Variants in BPIFA1 observed in about 807,000 individuals in gnomAD.
The protein encoded by BPIFA1 is BPI fold-containing family A member 1.
A neutral mutation model predicts 25.1 loss-of-function variants in BPIFA1; 24 were observed. That is an observed-to-expected ratio of 0.96 (90% CI 0.69 to 1.35). The LOEUF (loss-of-function observed/expected upper bound fraction) is 1.35. Among genes scored for constraint, BPIFA1 ranks in the 40% most tolerant of loss-of-function variants. The pLI is 0.00. For missense variants in BPIFA1, 344 were observed against 303.7 expected (o/e 1.13, Z -0.99); for synonymous variants, 139 against 131.8 (o/e 1.05, Z -0.37).
In BPIFA1 at chr20:33,242,058, G is replaced by A. The variant is rs1220104473; in HGVS notation, c.669G>A (p.Val223=). 1.4e-5 allele frequency: 22 copies of A among 1,613,978 alleles called. No individual in the cohort carries two copies. The highest frequency in any genetic ancestry group is 2.2e-5 in the East Asian group (1 of 44,896). The change falls in exon 7 of 9, where the codon GTG becomes GTA. Residue 223 remains valine (V), a splice_region_variant and synonymous_variant. Coordinates refer to ENST00000354297, the MANE Select transcript of BPIFA1 (RefSeq NM_130852.3). The part of the protein sequence containing the change: ...KVLPELVQGN[V]CPLVNEVLRG... ...CTCTCCTCTCTGCCCCTGGCCAGGTGTGCCCTCTGGTCAATGAGGTTCTCA... is the reference window on the plus strand; with the variant it reads ...CTCTCCTCTCTGCCCCTGGCCAGGTATGCCCTCTGGTCAATGAGGTTCTCA...
rs762616289 is a variant in BPIFA1 at position 33,238,059 on chromosome 20, C to A, written c.165C>A (p.Leu55=). ...TGLAGSLTNA[L]SNGLLSGGLL... ...GACCCTTACACCCATTTCCAGCCCT[C>A]AGCAATGGCCTGCTGTCTGGGGGCC... is the stretch of plus-strand genomic sequence containing the variant. The change falls in exon 3 of 9, where the codon CTC becomes CTA. Residue 55 remains leucine, a synonymous_variant. Transcript: ENST00000354297. 1.2e-6 allele frequency: 2 copies of A among 1,612,814 alleles called. No homozygotes were observed. Among genetic ancestry groups the A allele is most frequent in the Non-Finnish European group, 1.7e-6 (2 of 1,179,564 alleles).
intron 8 of BPIFA1, among the ~76,000 whole-genome samples, chr20:33,242,887 C>T (rs943943718): frequency 6.6e-6 from 1 of 152,016 alleles, no homozygotes; most frequent in African/African-American, 2.4e-5. Context: ...CACACTCTCA[C>T]CCAGCACCCT....
In BPIFA1 at chr20:33,238,111, C is replaced by A; in HGVS notation, c.217C>A (p.Leu73Ile). 6.2e-7 allele frequency: 1 copy of A among 1,614,048 alleles called. No homozygotes were observed. Among genetic ancestry groups the A allele is most frequent in the Non-Finnish European group, 8.5e-7 (1 of 1,180,004 alleles). The change falls in exon 3 of 9, where the codon CTC becomes ATC. Residue 73 changes from leucine (L) to isoleucine (I), a missense_variant. Coordinates refer to ENST00000354297, the MANE Select transcript of BPIFA1 (RefSeq NM_130852.3). The part of the protein sequence containing the change: ...GLLGILENLP[L>I]LDILKPGGGT... Reference sequence around the variant, plus strand: ...GTTGGGCATTCTGGAAAACCTTCCGCTCCTGGACATCCTGAAGCCTGGAGG... The same window carrying A: ...GTTGGGCATTCTGGAAAACCTTCCGATCCTGGACATCCTGAAGCCTGGAGG...
intron 8 of BPIFA1, among the ~76,000 whole-genome samples, chr20:33,242,850 T>C (rs1399359704): frequency 2.0e-5 from 3 of 151,812 alleles, no homozygotes; most frequent in Admixed American, 6.6e-5. Flanking sequence ...CATGCACACA[T>C]TGGTGGACTC....
At position 33,239,915 on chromosome 20, in the gene BPIFA1, G is replaced by T; in HGVS notation, c.428+5G>T. The T allele has an allele frequency of 1.2e-6, 2 of 1,611,866 alleles. No individual in the cohort carries two copies. The highest frequency in any genetic ancestry group is 1.7e-6 in the Non-Finnish European group (2 of 1,177,868). On this transcript the variant is annotated splice_donor_5th_base_variant and intron_variant, in intron 4 of 8. Coordinates refer to ENST00000354297, the MANE Select transcript of BPIFA1 (RefSeq NM_130852.3). ...CATAAAGCTCCAAGTGAATACGTGAGTGGGTCCCAAGAGGGGGTGAGAGGA... is the reference window on the plus strand; with the variant it reads ...CATAAAGCTCCAAGTGAATACGTGATTGGGTCCCAAGAGGGGGTGAGAGGA...
intron 6 of BPIFA1, among the ~76,000 whole-genome samples, chr20:33,241,734 T>A (rs1978987026): frequency 6.6e-6 from 1 of 152,144 alleles, no homozygotes; most frequent in Admixed American, 6.5e-5. Context: ...TTGGAGAAGT[T>A]CCCTGTCCAG....
In BPIFA1 at chr20:33,241,436, G is replaced by A. The variant is rs1416700703; in HGVS notation, c.633G>A (p.Leu211=). 3 of 1,614,034 alleles carry A rather than the reference G, an allele frequency of 1.9e-6. No individual in the cohort carries two copies. Among genetic ancestry groups the A allele is most frequent in the Non-Finnish European group, 2.5e-6 (3 of 1,180,002 alleles). ...TTCTGGACAGCCTCACAGGGATCTTGAATAAAGTCCTGCCTGAGTTGGTTC... is the reference window on the plus strand; with the variant it reads ...TTCTGGACAGCCTCACAGGGATCTTAAATAAAGTCCTGCCTGAGTTGGTTC... ...QGLLDSLTGI[L]NKVLPELVQG... is the part of the protein sequence containing the mutation. Residue 211 remains leucine (L), a synonymous_variant, in exon 6 of 9, where the codon TTG becomes TTA. Transcript: ENST00000354297.
In BPIFA1 at chr20:33,237,837, G is replaced by A. The variant is rs748394815; in HGVS notation, c.126G>A (p.Leu42=). 6.3e-6 allele frequency: 10 copies of A among 1,593,922 alleles called. No homozygotes were observed. The highest frequency in any genetic ancestry group is 8.5e-6 in the Non-Finnish European group (10 of 1,171,158). The stretch of plus-strand genomic sequence containing the variant: ...TGAATGTGAATCCAGCCCTGCCCTT[G>A]AGTCCCACAGGTCTTGCAGGAAGCT... The part of the protein sequence containing the change: ...LPLNVNPALP[L]SPTGLAGSLT... The change falls in exon 2 of 9, where the codon TTG becomes TTA. Residue 42 remains leucine, a synonymous_variant. Transcript: ENST00000354297.
At chr20:33,240,999 C>T (rs1340236594) in intron 5 of BPIFA1, among the ~76,000 whole-genome samples, 2 of 152,170 alleles carry the variant, frequency 1.3e-5, no homozygotes, top group Non-Finnish European at 2.9e-5. Context: ...GAGACTGTGT[C>T]AAACCTATTA....
At chr20:33,240,530 A>AGATGGATGGATGGATG (rs10677320) in intron 5 of BPIFA1, 145 bp downstream of exon 5, 116 of 749,616 alleles carry the variant, frequency 1.5e-4, no homozygotes, top group East Asian at 5.3e-4. Context: ...GAGCGTGGAA[A>AGATGGATGGATGGATG]GATGGATGGA....
At chr20:33,238,801 G>A (rs1302838313) in intron 3 of BPIFA1, among the ~76,000 whole-genome samples, 1 of 152,208 alleles carries the variant, frequency 6.6e-6, no homozygotes, top group Non-Finnish European at 1.5e-5. Flanking sequence ...AGCAAGAATG[G>A]AAGCTTGATG....
chr20:33,238,324 G>T (rs6141898), intron 3 of BPIFA1, 110 bp downstream of exon 3: 340,063 of 1,317,948 alleles, frequency 0.26, 45,737 homozygotes, highest in African/African-American at 0.37. Flanking sequence ...GCGAGGGAGC[G>T]GCCTGAAGAT....
chr20:33,240,596 T>G (rs1978918168), intron 5 of BPIFA1, among the ~76,000 whole-genome samples: 1 of 149,650 alleles, frequency 6.7e-6, no homozygotes, highest in African/African-American at 2.5e-5. Flanking sequence ...GGTTAGATGG[T>G]TGGGTTGATG....
chr20:33,239,723 T>A, intron 3 of BPIFA1, 80 bp from the exon 4 acceptor site: 1 of 1,351,338 alleles, frequency 7.4e-7, no homozygotes, highest in Non-Finnish European at 1.1e-6. Context: ...CTGGGATGGG[T>A]ACTGTTAGGT....
At chr20:33,237,388 A>G (rs1978727264) in intron 1 of BPIFA1, among the ~76,000 whole-genome samples, 1 of 152,078 alleles carries the variant, frequency 6.6e-6, no homozygotes, top group Admixed American at 6.5e-5. Flanking sequence ...GGCAAGAAGG[A>G]AAAAAACCCT....
At chr20:33,239,678 T>G in intron 3 of BPIFA1, 125 bp from the exon 4 acceptor site, 1 of 915,096 alleles carries the variant, frequency 1.1e-6, no homozygotes, top group Non-Finnish European at 1.8e-6. Context: ...AAGACTCCCC[T>G]CCCATCTCCC....
chr20:33,240,640 A>G (rs1978923089), intron 5 of BPIFA1, among the ~76,000 whole-genome samples: 1 of 131,630 alleles, frequency 7.6e-6, no homozygotes, highest in South Asian at 2.7e-4. Flanking sequence ...GGATGGATAG[A>G]TAGATGATAG....
At position 33,237,882 on chromosome 20, in the gene BPIFA1, A is replaced by G; in HGVS notation, c.160+11A>G. The G allele has an allele frequency of 6.4e-7, 1 of 1,553,582 alleles. No homozygotes were observed. Among genetic ancestry groups the G allele is most frequent in the Non-Finnish European group, 8.7e-7 (1 of 1,150,694 alleles). ...GAAGCTTGACAAATGGTGAGTTTTC[A>G]GGGGTGTATGTGTGCATGTGTGTGT... On this transcript the variant is annotated intron_variant, in intron 2 of 8. Transcript: ENST00000354297.
chr20:33,242,181 G>A (rs1979010317), intron 7 of BPIFA1, 62 bp downstream of exon 7: 10 of 1,548,034 alleles, frequency 6.5e-6, no homozygotes, highest in Non-Finnish European at 8.9e-6. Flanking sequence ...CCCCCAAGGA[G>A]TTTTTTCCCT....
Sources: allele counts gnomAD v4.1 joint callset (sites outside exome capture counted in the v4.1 genomes callset), GRCh38; gene constraint gnomAD v4.1.1; transcripts MANE v1.5; gene names NCBI Gene and HGNC (gene_info 2026-07-23, HGNC 2026-07-21).